Variants in LARGE1 observed in about 807,000 individuals in gnomAD.
LARGE1 encodes xylosyl- and glucuronyltransferase LARGE1.
Under a neutral mutation model 87.6 loss-of-function variants are expected in LARGE1, and 43 were observed. The ratio of observed to expected loss-of-function variants is 0.49; its 90% CI spans 0.38 to 0.63. The LOEUF is 0.63. LARGE1 is among the 30% of genes least tolerant of loss of function. The pLI is 0.00. For missense variants in LARGE1, 802 were observed against 1,000.2 expected (o/e 0.80, Z 2.67); for synonymous variants, 434 against 394.6 (o/e 1.10, Z -1.18).
intron 1 of LARGE1, among the ~76,000 whole-genome samples, chr22:33,810,672 G>A (rs775670785): frequency 6.6e-6 from 1 of 152,066 alleles, no homozygotes. Flanking sequence ...ACAGCATGCA[G>A]CAGTGCCATG....
chr22:33,918,231 A>G (rs959657133), intron 1 of LARGE1, among the ~76,000 whole-genome samples: 2 of 152,156 alleles, frequency 1.3e-5, no homozygotes, highest in Non-Finnish European at 2.9e-5. Flanking sequence ...TCACATCAAA[A>G]AGTTAATCCA....
At chr22:33,441,499 A>G (rs2067476659) in intron 6 of LARGE1, among the ~76,000 whole-genome samples, 1 of 152,028 alleles carries the variant, frequency 6.6e-6, no homozygotes, top group Non-Finnish European at 1.5e-5. Flanking sequence ...TGTCACCCAG[A>G]CTGGAATGCA....
chr22:33,820,356 T>A (rs960099445), intron 1 of LARGE1, among the ~76,000 whole-genome samples: 4 of 152,116 alleles, frequency 2.6e-5, no homozygotes, highest in African/African-American at 9.7e-5. Context: ...GGGTCTCACT[T>A]TGTCACCCAG....
intron 7 of LARGE1, among the ~76,000 whole-genome samples, chr22:33,428,939 G>GA (rs2066982465): frequency 8.9e-5 from 2 of 22,446 alleles, no homozygotes; most frequent in Non-Finnish European, 1.7e-4. Flanking sequence ...CAAAAAAAAA[G>GA]AAACAAAAAA....
intron 11 of LARGE1, among the ~76,000 whole-genome samples, chr22:33,182,656 G>T (rs1214023480): frequency 6.6e-6 from 1 of 152,130 alleles, no homozygotes; most frequent in East Asian, 1.9e-4. Context: ...AGATAGTCCA[G>T]AAATAAACCC....
rs1053110801 is a variant in LARGE1, at chr22:33,390,696, T to G, written c.893-6392A>C. On this transcript the variant is annotated intron_variant, in intron 7 of 14. Coordinates refer to ENST00000397394, the MANE Select transcript of LARGE1 (RefSeq NM_133642.5). ...TGTCTGCTTTTGTTGTGTGTTTTTT[T>G]TTTTTTTTTTTGAGACAGAGTCTTA... Among the ~76,000 whole-genome samples the G allele has an allele frequency of 4.0e-3, 599 of 150,808 alleles. 3 individuals are homozygous for G. Among genetic ancestry groups the G allele is most frequent in the African/African-American group, 0.014 (578 of 41,148 alleles).
In LARGE1 at chr22:33,852,045, T is replaced by C. The variant is rs1177223573; in HGVS notation, c.-83+67950A>G. Among the ~76,000 whole-genome samples the C allele has an allele frequency of 3.9e-5, 6 of 152,216 alleles. No individual in the cohort carries two copies. The East Asian group carries it at 1.2e-3, about 29-fold the overall frequency. ...ATATTGTATTCTGTGAAACTCTTTA[T>C]GCCCAAGAAGAGAACACACAAAGGC... On this transcript the variant is annotated intron_variant, in intron 1 of 14. Coordinates refer to ENST00000397394, the MANE Select transcript of LARGE1 (RefSeq NM_133642.5).
intron 6 of LARGE1, among the ~76,000 whole-genome samples, chr22:33,522,827 TAAAAAAAAGAAAA>T (rs1198819640): frequency 2.8e-5 from 4 of 141,442 alleles, no homozygotes; most frequent in Non-Finnish European, 3.1e-5. Flanking sequence ...AGACTCTATC[TAAAAAAAAGAAAA>T]AAAAAAAAGA....
At chr22:33,475,932 A>T (rs1280678954) in intron 6 of LARGE1, among the ~76,000 whole-genome samples, 1 of 152,206 alleles carries the variant, frequency 6.6e-6, no homozygotes, top group Non-Finnish European at 1.5e-5. Context: ...TGGGACCCCA[A>T]AATCACTAAG....
chr22:33,103,043 G>C, the LARGE1 span, among the ~76,000 whole-genome samples: 3 of 151,738 alleles, frequency 2.0e-5, no homozygotes, highest in African/African-American at 7.3e-5. Context: ...CCCCCGCCCC[G>C]CCGGTGTAGA....
intron 2 of LARGE1, among the ~76,000 whole-genome samples, chr22:33,700,507 G>C (rs1048161398): frequency 6.6e-6 from 1 of 152,140 alleles, no homozygotes; most frequent in Non-Finnish European, 1.5e-5. Context: ...GGCTGGCGGG[G>C]GTGCCAGAAC....
chr22:33,090,361 A>G, the LARGE1 span, among the ~76,000 whole-genome samples: 1 of 152,176 alleles, frequency 6.6e-6, no homozygotes, highest in African/African-American at 2.4e-5. Context: ...AAATGAGCAG[A>G]CTGAGGGGGA....
At chr22:33,616,417 A>G (rs2079582748) in intron 4 of LARGE1, among the ~76,000 whole-genome samples, 1 of 152,168 alleles carries the variant, frequency 6.6e-6, no homozygotes, top group Non-Finnish European at 1.5e-5. Context: ...CTGTAATTCC[A>G]GCTACTTGGG....
intron 3 of LARGE1, among the ~76,000 whole-genome samples, chr22:33,634,606 C>T (rs908026726): frequency 4.2e-5 from 5 of 118,490 alleles, no homozygotes; most frequent in Non-Finnish European, 6.2e-5. Flanking sequence ...ATTTGTTACT[C>T]TTTCAGGGTG....
chr22:33,630,841 A>T lies in LARGE1; in HGVS notation c.409-4515T>A, dbSNP rs7292210. Among the ~76,000 whole-genome samples, 165 of 150,654 alleles carry T rather than the reference A, an allele frequency of 1.1e-3. 2 individuals are homozygous for T. The East Asian group carries it at 0.022, about 20-fold the overall frequency. On this transcript the variant is annotated intron_variant, in intron 3 of 14. Transcript: ENST00000397394. ...AACTTTTTTACTTTACAAATTTAAA[A>T]TTTTTTTTAACTATCTCTTTTTTTT...
the LARGE1 span, among the ~76,000 whole-genome samples, chr22:33,072,320 G>A: frequency 6.6e-6 from 1 of 152,188 alleles, no homozygotes; most frequent in Non-Finnish European, 1.5e-5. Flanking sequence ...AGGAGGAGAT[G>A]TCTGTATGGT....
chr22:33,433,602 C>CAA (rs1439790200), intron 6 of LARGE1, among the ~76,000 whole-genome samples: 1 of 31,938 alleles, frequency 3.1e-5, no homozygotes, highest in Admixed American at 3.2e-4. Flanking sequence ...TCTCAAAAAA[C>CAA]AAAACAAAAA....
intron 1 of LARGE1, among the ~76,000 whole-genome samples, chr22:33,802,229 GC>G (rs1914246401): frequency 6.6e-6 from 1 of 152,176 alleles, no homozygotes; most frequent in African/African-American, 2.4e-5. Flanking sequence ...CCAACTCACA[GC>G]TGCTGACTCC....
intron 11 of LARGE1, among the ~76,000 whole-genome samples, chr22:33,192,082 T>G (rs1292544900): frequency 6.6e-6 from 1 of 152,232 alleles, no homozygotes; most frequent in Admixed American, 6.5e-5. Flanking sequence ...TCATTTTCTC[T>G]TCTGATTTTA....
Sources: gnomAD v4.1 joint callset for allele counts (sites outside exome capture counted in the v4.1 genomes callset) on GRCh38, gnomAD v4.1.1 for gene constraint, MANE v1.5 for transcripts, NCBI Gene and HGNC (gene_info 2026-07-23, HGNC 2026-07-21) for gene names.